BCL7C: variants seen among roughly 807,000 people sequenced by gnomAD.
BCL7C encodes the protein BAF chromatin remodeling complex subunit BCL7C, also known as B-cell CLL/lymphoma 7 protein family member C.
BCL7C carries 8 observed loss-of-function variants against 26.2 expected under a neutral mutation model. That is an observed-to-expected ratio of 0.30 (90% CI 0.18 to 0.55). The LOEUF (loss-of-function observed/expected upper bound fraction) is 0.55, where lower values mean the gene tolerates loss of function less well. Among genes scored for constraint, BCL7C ranks in the 20% least tolerant of loss-of-function variants. The pLI, the probability that BCL7C is intolerant of heterozygous loss-of-function variation, is 0.93. For missense variants in BCL7C, 262 were observed against 298.5 expected, an observed-to-expected ratio of 0.88 and a Z score of 0.90; for synonymous variants, 90 against 116.5, an observed-to-expected ratio of 0.77 and a Z score of 1.47.
downstream of BCL7C, chr16:30,887,726 T>C: frequency 7.3e-7 from 1 of 1,364,916 alleles, no homozygotes; most frequent in Non-Finnish European, 9.7e-7. Context: ...ATCTGAGCAA[T>C]GGTGCATGAG....
intron 4 of BCL7C, among the ~76,000 whole-genome samples, chr16:30,889,756 T>G (rs2055196252): frequency 6.6e-6 from 1 of 151,814 alleles, no homozygotes; most frequent in Non-Finnish European, 1.5e-5. Flanking sequence ...GGCAACATAG[T>G]AAGACCCTGT....
intron 4 of BCL7C, among the ~76,000 whole-genome samples, chr16:30,892,121 G>A (rs906022433): frequency 2.6e-5 from 4 of 151,300 alleles, no homozygotes; most frequent in African/African-American, 9.7e-5. Context: ...ACAAAAATTA[G>A]CCAGGTGTGG....
chr16:30,882,567 G>A (rs1300153538), intron 5 of BCL7C, among the ~76,000 whole-genome samples: 1 of 152,200 alleles, frequency 6.6e-6, no homozygotes, highest in East Asian at 1.9e-4. Context: ...GCCAGTGTGA[G>A]CAAAACCCAA....
intron 5 of BCL7C, among the ~76,000 whole-genome samples, chr16:30,866,682 T>C (rs1050731947): frequency 1.3e-5 from 2 of 149,900 alleles, no homozygotes; most frequent in South Asian, 4.2e-4. Context: ...GAAATGTAAA[T>C]AGTAAATGTA....
downstream of BCL7C, among the ~76,000 whole-genome samples, chr16:30,885,115 G>A (rs1237668474): frequency 6.6e-6 from 1 of 152,196 alleles, no homozygotes; most frequent in East Asian, 1.9e-4. Flanking sequence ...TGGCACATGG[G>A]CTTTTGCAGG....
In BCL7C at chr16:30,842,857, C is replaced by T. The variant is rs753489190; in HGVS notation, c.529-7709G>A. ...TGCTGGGATTACAGGCATGAGCCAC[C>T]GCGCCCAGCCATTCTCCTGACCTTG... On this transcript the variant is annotated intron_variant, in intron 5 of 5. Transcript: ENST00000380317. Among the ~76,000 whole-genome samples the T allele has an allele frequency of 4.6e-5, 7 of 152,026 alleles. No individual in the cohort carries two copies. In the East Asian group the frequency reaches 5.8e-4, roughly 13 times the overall value.
chr16:30,839,592 TGAA>T (rs1310694747), intron 5 of BCL7C, among the ~76,000 whole-genome samples: 1 of 152,190 alleles, frequency 6.6e-6, no homozygotes, highest in East Asian at 1.9e-4. Flanking sequence ...ATTGCTGACT[TGAA>T]GAAGGAGGCA....
chr16:30,888,457 C>T (rs935827741), intron 5 of BCL7C, among the ~76,000 whole-genome samples: 14 of 152,060 alleles, frequency 9.2e-5, no homozygotes, highest in Admixed American at 1.3e-4. Context: ...CTGCCTTAGC[C>T]TCCCGAGTAG....
At chr16:30,889,506 T>C (rs957353774) in intron 4 of BCL7C, among the ~76,000 whole-genome samples, 15 of 152,046 alleles carry the variant, frequency 9.9e-5, no homozygotes, top group Admixed American at 4.6e-4. Flanking sequence ...GTTTTAGTTT[T>C]TGAGACAGAG....
chr16:30,875,005 C>T (rs946141782), intron 5 of BCL7C, among the ~76,000 whole-genome samples: 3 of 152,194 alleles, frequency 2.0e-5, no homozygotes, highest in Non-Finnish European at 2.9e-5. Flanking sequence ...GACAGCTGGT[C>T]TCCGGGGTTG....
intron 4 of BCL7C, 62 bp downstream of exon 4, chr16:30,892,523 AG>A: frequency 6.7e-7 from 1 of 1,487,840 alleles, no homozygotes; most frequent in South Asian, 1.3e-5. Flanking sequence ...ATGAGCTGGT[AG>A]GTTAGACTCT....
intron 5 of BCL7C, among the ~76,000 whole-genome samples, chr16:30,859,033 A>G (rs1012341652): frequency 6.6e-6 from 1 of 152,260 alleles, no homozygotes; most frequent in Non-Finnish European, 1.5e-5. Context: ...GAATGTGACC[A>G]AAGATCAAAA....
chr16:30,871,384 ATC>A (rs940297462), intron 5 of BCL7C, among the ~76,000 whole-genome samples: 1 of 152,090 alleles, frequency 6.6e-6, no homozygotes, highest in Non-Finnish European at 1.5e-5. Context: ...TGCTTTTCTC[ATC>A]TGTCAAGTGG....
At chr16:30,877,678 A>G (rs549650178) in intron 5 of BCL7C, among the ~76,000 whole-genome samples, 1 of 147,390 alleles carries the variant, frequency 6.8e-6, no homozygotes, top group Non-Finnish European at 1.5e-5. Flanking sequence ...TGACCTCGTG[A>G]TCCACCCGCC....
intron 5 of BCL7C, among the ~76,000 whole-genome samples, chr16:30,844,913 A>G (rs1297843160): frequency 1.3e-5 from 2 of 152,168 alleles, no homozygotes; most frequent in Non-Finnish European, 2.9e-5. Flanking sequence ...AAGAAGGGGA[A>G]GCTCTTCCTG....
At chr16:30,891,889 A>G (rs1411404077) in intron 4 of BCL7C, among the ~76,000 whole-genome samples, 1 of 149,496 alleles carries the variant, frequency 6.7e-6, no homozygotes, top group Non-Finnish European at 1.5e-5. Flanking sequence ...CCTTGAGCCC[A>G]GGAGTTTGAG....
intron 5 of BCL7C, among the ~76,000 whole-genome samples, chr16:30,881,690 C>T (rs1353322961): frequency 6.6e-6 from 1 of 152,180 alleles, no homozygotes; most frequent in Non-Finnish European, 1.5e-5. Context: ...TCCCTCCCTC[C>T]GCTCCAGTCA....
chr16:30,862,079 C>A (rs530848989), intron 5 of BCL7C, among the ~76,000 whole-genome samples: 1 of 151,822 alleles, frequency 6.6e-6, no homozygotes, highest in Non-Finnish European at 1.5e-5. Context: ...CCTCGTGATC[C>A]GCTGCCTCGG....
intron 5 of BCL7C, among the ~76,000 whole-genome samples, chr16:30,836,859 T>A (rs2054572581): frequency 6.6e-6 from 1 of 151,562 alleles, no homozygotes; most frequent in African/African-American, 2.4e-5. Flanking sequence ...AATGGTGCTG[T>A]CTTGACTCAC....
Sources: allele counts gnomAD v4.1 joint callset (sites outside exome capture counted in the v4.1 genomes callset), GRCh38; gene constraint gnomAD v4.1.1; transcripts MANE v1.5; gene names NCBI Gene and HGNC (gene_info 2026-07-23, HGNC 2026-07-21).